Variants in FAM162B observed in about 807,000 individuals in gnomAD.
FAM162B encodes the protein family with sequence similarity 162 member B.
A neutral mutation model predicts 20.0 loss-of-function variants in FAM162B; 16 were observed. The observed-to-expected ratio is 0.80, with a 90% confidence interval of 0.54 to 1.21. FAM162B has a LOEUF of 1.21. Among genes scored for constraint, FAM162B ranks in the 50% most tolerant of loss-of-function variants. The pLI is 0.00. For synonymous variants in FAM162B, 83 were observed against 89.7 expected (o/e 0.93, Z 0.42); for missense variants, 260 against 227.5 (o/e 1.14, Z -0.92).
chr6:116,761,669 T>TATATACTTATATATATAC, intron 3 of FAM162B, among the ~76,000 whole-genome samples: 1 of 142,904 alleles, frequency 7.0e-6, no homozygotes, highest in African/African-American at 2.6e-5. Flanking sequence ...CTTATATATA[T>TATATACTTATATATATAC]ACTTATATAT....
chr6:116,756,702 A>G (rs1380987339), intron 3 of FAM162B, among the ~76,000 whole-genome samples: 1 of 152,216 alleles, frequency 6.6e-6, no homozygotes, highest in East Asian at 1.9e-4. Context: ...AAATTGCCAC[A>G]GCCACCCCAA....
chr6:116,758,531 CTTTA>C (rs34788261), intron 3 of FAM162B, among the ~76,000 whole-genome samples: 49,002 of 148,036 alleles, frequency 0.33, 8,176 homozygotes, highest in African/African-American at 0.44. Flanking sequence ...TGTGTTTTTA[CTTTA>C]TTTATGGCAC....
At chr6:116,752,735 G>C (rs754729866) in intron 3 of FAM162B, 40 bp from the exon 4 acceptor site, 2 of 473,372 alleles carry the variant, frequency 4.2e-6, no homozygotes, top group Non-Finnish European at 6.0e-6. Context: ...TATATATATA[G>C]ATACACGTAT....
At chr6:116,759,631 G>T (rs1780112818) in intron 3 of FAM162B, among the ~76,000 whole-genome samples, 1 of 151,994 alleles carries the variant, frequency 6.6e-6, no homozygotes, top group Non-Finnish European at 1.5e-5. Context: ...ACTGGGTTTT[G>T]AATAAAGAGG....
At chr6:116,754,705 G>GT (rs1448109772) in intron 3 of FAM162B, among the ~76,000 whole-genome samples, 1 of 150,978 alleles carries the variant, frequency 6.6e-6, no homozygotes, top group Non-Finnish European at 1.5e-5. Context: ...TTCTTTTTTT[G>GT]TTTTTTTCAA....
In FAM162B at chr6:116,765,279, G is replaced by T. The variant is rs766180254; in HGVS notation, c.173-24C>A. ...CCCTGCAGCGAAAGCAACCCAGATGGACGCGGGAACTGACGCACCGGCACA... is the reference window on the plus strand; with the variant it reads ...CCCTGCAGCGAAAGCAACCCAGATGTACGCGGGAACTGACGCACCGGCACA... On this transcript the variant is annotated intron_variant, in intron 1 of 3. Transcript: ENST00000368557. 6 of 1,610,276 alleles carry T rather than the reference G, an allele frequency of 3.7e-6. No homozygotes were observed. In the East Asian group the frequency reaches 1.3e-4, roughly 36 times the overall value.
chr6:116,765,376 A>G, intron 1 of FAM162B, 29 bp downstream of exon 1: 3 of 1,490,744 alleles, frequency 2.0e-6, no homozygotes, highest in Non-Finnish European at 1.8e-6. Flanking sequence ...CCTCCCTCCC[A>G]GGACCTCCCC....
In FAM162B at chr6:116,765,478, C is replaced by T. The variant is rs760568819; in HGVS notation, c.99G>A (p.Pro33=). 8.8e-5 allele frequency: 124 copies of T among 1,411,454 alleles called. No individual in the cohort carries two copies. In the African/African-American group the frequency reaches 1.6e-3, roughly 19 times the overall value. 87.4% of individuals were successfully genotyped at this position (1,411,454 alleles called of 1,614,324 possible). The part of the protein sequence containing the change: ...APLEATRRPA[P]ALPPRGLPCY... ...AGGGGAGACCCCGGGGCGGAAGAGC[C>T]GGTGCGGGCCGTCGCGTGGCCTCGA... The change falls in exon 1 of 4, where the codon CCG becomes CCA. Residue 33 remains proline (P), a synonymous_variant. Transcript: ENST00000368557.
intron 3 of FAM162B, among the ~76,000 whole-genome samples, chr6:116,761,443 C>A (rs73765850): frequency 2.4e-4 from 37 of 151,884 alleles, no homozygotes; most frequent in African/African-American, 8.9e-4. Flanking sequence ...AATGAATGAT[C>A]TAGTCTGGAT....
chr6:116,755,450 G>A (rs545964984), intron 3 of FAM162B, among the ~76,000 whole-genome samples: 22 of 152,308 alleles, frequency 1.4e-4, no homozygotes, highest in African/African-American at 5.3e-4. Context: ...GCTAGCAGAG[G>A]TTGGTTCATG....
chr6:116,763,122 T>C (rs895361188), intron 2 of FAM162B, among the ~76,000 whole-genome samples: 9 of 152,278 alleles, frequency 5.9e-5, no homozygotes, highest in Admixed American at 2.0e-4. Context: ...CAGAGTGATG[T>C]AAGTTTTAAG....
chr6:116,761,969 A>G lies in FAM162B; in HGVS notation c.390+8T>C. ...TTAACTGACTTGCCCTTTTAAGGAGATACTCACCCTTTTGGCTGACACTAT... is the reference window on the plus strand; with the variant it reads ...TTAACTGACTTGCCCTTTTAAGGAGGTACTCACCCTTTTGGCTGACACTAT... On this transcript the variant is annotated splice_region_variant and intron_variant, in intron 3 of 3. Coordinates refer to ENST00000368557, the MANE Select transcript of FAM162B (RefSeq NM_001085480.3). 6.3e-7 allele frequency: 1 copy of G among 1,578,160 alleles called. No homozygotes were observed. The highest frequency in any genetic ancestry group is 8.7e-7 in the Non-Finnish European group (1 of 1,153,590).
intron 2 of FAM162B, among the ~76,000 whole-genome samples, chr6:116,764,412 G>T (rs1474550209): frequency 6.6e-6 from 1 of 152,056 alleles, no homozygotes; most frequent in Admixed American, 6.6e-5. Context: ...TTTGGGCTTG[G>T]CAGAAACAGA....
At chr6:116,756,165 A>G (rs1780048941) in intron 3 of FAM162B, among the ~76,000 whole-genome samples, 1 of 152,196 alleles carries the variant, frequency 6.6e-6, no homozygotes, top group Non-Finnish European at 1.5e-5. Flanking sequence ...AACCTTCTGG[A>G]AAGGAGTCAC....
At chr6:116,752,755 T>TATATATACAC (rs71012341) in intron 3 of FAM162B, 60 bp from the exon 4 acceptor site, 8 of 432,960 alleles carry the variant, frequency 1.8e-5, no homozygotes, top group Non-Finnish European at 2.7e-5. Context: ...TATATATATA[T>TATATATACAC]ATACATATAT....
intron 2 of FAM162B, among the ~76,000 whole-genome samples, chr6:116,764,709 C>T (rs1771873610): frequency 6.6e-6 from 1 of 152,180 alleles, no homozygotes; most frequent in African/African-American, 2.4e-5. Context: ...ACAGCCGCCC[C>T]GCAAGCCAAG....
chr6:116,758,740 T>C (rs1780082072), intron 3 of FAM162B, among the ~76,000 whole-genome samples: 1 of 152,184 alleles, frequency 6.6e-6, no homozygotes, highest in African/African-American at 2.4e-5. Flanking sequence ...ATTTATTTTA[T>C]GTAGAAAGTA....
chr6:116,763,346 T>G (rs573094428), intron 2 of FAM162B, among the ~76,000 whole-genome samples: 2 of 152,312 alleles, frequency 1.3e-5, no homozygotes, highest in South Asian at 4.1e-4. Flanking sequence ...ACAAAAATTA[T>G]AGGTCACTTG....
chr6:116,754,963 T>C (rs1054149354), intron 3 of FAM162B, among the ~76,000 whole-genome samples: 1 of 152,210 alleles, frequency 6.6e-6, no homozygotes, highest in Non-Finnish European at 1.5e-5. Flanking sequence ...ATTGTATGTA[T>C]TCTCCACTCC....
Sources: gnomAD v4.1 joint callset for allele counts (sites outside exome capture counted in the v4.1 genomes callset) on GRCh38, gnomAD v4.1.1 for gene constraint, MANE v1.5 for transcripts, NCBI Gene and HGNC (gene_info 2026-07-23, HGNC 2026-07-21) for gene names.